PHACTR2: variants seen among roughly 807,000 people sequenced by gnomAD.
The protein encoded by PHACTR2 is chromosome 6 open reading frame 56.
In PHACTR2, 30 loss-of-function variants were observed where a neutral mutation model predicts 76.0. That is an observed-to-expected ratio of 0.39 (90% CI 0.30 to 0.54). PHACTR2 has a LOEUF of 0.54. Ranked by LOEUF, PHACTR2 falls within the 20% of genes least tolerant of loss-of-function variation. The probability of loss-of-function intolerance (pLI) is 0.61; values close to 1 mark genes in which losing one functional copy is unlikely to be tolerated. For missense variants in PHACTR2, 696 were observed against 781.1 expected, an observed-to-expected ratio of 0.89 and a Z score of 1.30; for synonymous variants, 292 against 292.5, an observed-to-expected ratio of 1.00 and a Z score of 0.02.
Position 143,753,773 on chromosome 6 carries a change from C to G in PHACTR2, c.315C>G (p.Asn105Lys). ...LPDQDGDVTV[N>K]FENSNGHMIP... is the part of the protein sequence containing the mutation. ...TTTTAGATGGAGATGTAACAGTTAA[C>G]TTTGAAAATTCAAACGGGCACATGA... is the stretch of plus-strand genomic sequence containing the variant. The change falls in exon 4 of 13, where the codon AAC becomes AAG. Residue 105 changes from asparagine (N) to lysine (K), a missense_variant. Coordinates refer to ENST00000440869, the MANE Select transcript of PHACTR2 (RefSeq NM_001100164.2). The surrounding 1 kb of genome is among the most constrained non-coding windows in gnomAD (Gnocchi z 4.6). The G allele has an allele frequency of 6.3e-7, 1 of 1,598,526 alleles. No homozygotes were observed. The highest frequency in any genetic ancestry group is 8.5e-7 in the Non-Finnish European group (1 of 1,175,638).
chr6:143,815,468 G>A (rs374138939), intron 12 of PHACTR2, among the ~76,000 whole-genome samples: 11 of 152,170 alleles, frequency 7.2e-5, no homozygotes, highest in South Asian at 2.1e-4. Flanking sequence ...TATAGGTGGC[G>A]TGACAATGAA....
intron 9 of PHACTR2, among the ~76,000 whole-genome samples, chr6:143,779,494 T>C (rs1411762196): frequency 2.0e-5 from 3 of 151,880 alleles, no homozygotes; most frequent in Non-Finnish European, 4.4e-5. Context: ...GGACTACAGG[T>C]GCGCATCACC....
In PHACTR2 at chr6:143,654,324, G is replaced by A. The variant is rs1263689541; in HGVS notation, c.13+46002G>A. 1.3e-5 allele frequency among the ~76,000 whole-genome samples: 2 copies of A among 152,136 alleles called. No individual in the cohort carries two copies. The highest frequency in any genetic ancestry group is 2.9e-5 in the Non-Finnish European group (2 of 68,034). The stretch of plus-strand genomic sequence containing the variant: ...CAATCATAGAGTTACCATATGAACA[G>A]CAATTCTACTTCTAGGTATATACCC... On this transcript the variant is annotated intron_variant, in intron 1 of 11. Transcript: ENST00000305766. The surrounding 1 kb of genome is among the most constrained non-coding windows in gnomAD (Gnocchi z 4.6).
intron 11 of PHACTR2, among the ~76,000 whole-genome samples, chr6:143,797,431 C>T (rs1775851052): frequency 6.6e-6 from 1 of 152,192 alleles, no homozygotes; most frequent in South Asian, 2.1e-4. Flanking sequence ...CCCCGTTTGT[C>T]AATTTTGGCT....
intron 1 of PHACTR2, among the ~76,000 whole-genome samples, chr6:143,657,339 T>C (rs1776865571): frequency 6.6e-6 from 1 of 152,130 alleles, no homozygotes; most frequent in Non-Finnish European, 1.5e-5. Flanking sequence ...TATCAAGATG[T>C]AGAATATTTC....
rs1367558241 is a variant in PHACTR2, at chr6:143,624,834, T to TG, written c.13+16514dup. ...TGAGTACAGTGTCAGATATCAGAGA[T>TG]GGAGACCACAGCAAAGAGCTGATAA... On this transcript the variant is annotated intron_variant, in intron 1 of 11. Transcript: ENST00000305766. This position sits in a 1 kb window ranked among gnomAD's most constrained non-coding sequence, Gnocchi z 4.6. Among the ~76,000 whole-genome samples, 1 of 151,988 alleles carries TG rather than the reference T, an allele frequency of 6.6e-6. No individual in the cohort carries two copies. The highest frequency in any genetic ancestry group is 1.5e-5 in the Non-Finnish European group (1 of 68,014).
intron 11 of PHACTR2, among the ~76,000 whole-genome samples, chr6:143,790,823 G>A (rs370398518): frequency 9.2e-5 from 14 of 152,042 alleles, no homozygotes; most frequent in East Asian, 5.8e-4. Flanking sequence ...ACAGGCGCCC[G>A]CCACCACGCC....
At chr6:143,714,170 C>A (rs1236129954) in intron 2 of PHACTR2, among the ~76,000 whole-genome samples, 1 of 152,108 alleles carries the variant, frequency 6.6e-6, no homozygotes, top group Non-Finnish European at 1.5e-5. Context: ...ATGATCAGGG[C>A]CATTTGCTGT....
Position 143,655,181 on chromosome 6 carries a change from GA to G in PHACTR2, c.13+46867del, listed in dbSNP as rs1206512180. ...TCAAAAAAAAAAAAAAAAAGAAAAAGAAAAAAAAGAAAACATCATGCTAAGT... is the reference window on the plus strand; with the variant it reads ...TCAAAAAAAAAAAAAAAAAGAAAAAGAAAAAAAGAAAACATCATGCTAAGT... On this transcript the variant is annotated intron_variant, in intron 1 of 11. Transcript: ENST00000305766. Among the ~76,000 whole-genome samples the G allele has an allele frequency of 1.3e-4, 19 of 146,744 alleles. No individual in the cohort carries two copies. In the Middle Eastern group the frequency reaches 0.014, roughly 111 times the overall value.
At chr6:143,752,722 G>A (rs1779212785) in intron 3 of PHACTR2, among the ~76,000 whole-genome samples, 1 of 152,100 alleles carries the variant, frequency 6.6e-6, no homozygotes, top group African/African-American at 2.4e-5. Context: ...GACAATTTGG[G>A]AAATGGTTTC....
chr6:143,720,480 T>C (rs1032422458), intron 2 of PHACTR2, among the ~76,000 whole-genome samples: 4 of 152,108 alleles, frequency 2.6e-5, no homozygotes, highest in African/African-American at 9.7e-5. Context: ...TCCTGGGAAG[T>C]CATCACAGAG....
Position 143,772,611 on chromosome 6 carries a change from G to A in PHACTR2, c.1432+154G>A, listed in dbSNP as rs894853586. On this transcript the variant is annotated intron_variant, in intron 7 of 12. Transcript: ENST00000440869. This position sits in a 1 kb window ranked among gnomAD's most constrained non-coding sequence, Gnocchi z 5.4. ...AAATTAGAAATGTGTATATCCTAAA[G>A]TTTAGCTTTTGATGGGAGGCCTTTC... 2.0e-5 allele frequency among the ~76,000 whole-genome samples: 3 copies of A among 152,192 alleles called. No individual in the cohort carries two copies. Among genetic ancestry groups the A allele is most frequent in the African/African-American group, 7.2e-5 (3 of 41,454 alleles).
At chr6:143,643,873 T>A (rs1038595504) in intron 1 of PHACTR2, among the ~76,000 whole-genome samples, 5 of 152,220 alleles carry the variant, frequency 3.3e-5, no homozygotes, top group African/African-American at 1.2e-4. Context: ...GTAATCTAAC[T>A]TTTTTCTCCT....
rs1779582358 is a variant in PHACTR2, at chr6:143,767,241, A to AC, written c.1232+1445dup. Reference sequence around the variant, plus strand: ...CACTGAGAGAGCTAAAATAGTTTGCACCAGACTGCCCAGTTGGTGGTGGTG... The same window carrying AC: ...CACTGAGAGAGCTAAAATAGTTTGCACCCAGACTGCCCAGTTGGTGGTGGTG... On this transcript the variant is annotated intron_variant, in intron 6 of 12. Coordinates refer to ENST00000440869, the MANE Select transcript of PHACTR2 (RefSeq NM_001100164.2). This position sits in a 1 kb window ranked among gnomAD's most constrained non-coding sequence, Gnocchi z 4.4. Among the ~76,000 whole-genome samples the AC allele has an allele frequency of 6.6e-6, 1 of 152,222 alleles. No homozygotes were observed. The highest frequency in any genetic ancestry group is 2.4e-5 in the African/African-American group (1 of 41,462).
chr6:143,604,538 T>G (rs1314136847), upstream of PHACTR2, among the ~76,000 whole-genome samples: 2 of 152,188 alleles, frequency 1.3e-5, no homozygotes, highest in East Asian at 3.9e-4. Context: ...CCTATTGCCA[T>G]CAGTTCTTCT....
At position 143,678,276 on chromosome 6, in the gene PHACTR2, G is replaced by C. The variant is rs1397432282; in HGVS notation, c.46+67G>C. 7.3e-7 allele frequency: 1 copy of C among 1,374,042 alleles called. No individual in the cohort carries two copies. The highest frequency in any genetic ancestry group is 3.8e-5 in the Admixed American group (1 of 26,096). The allele number at this position is 1,374,042 out of a possible 1,614,324, so 85.1% of individuals were successfully genotyped here. A position where few individuals can be genotyped will look rare whatever the true frequency, so the allele number is the denominator to read the frequency against. On this transcript the variant is annotated intron_variant, in intron 1 of 12. Coordinates refer to ENST00000440869, the MANE Select transcript of PHACTR2 (RefSeq NM_001100164.2). This position sits in a 1 kb window ranked among gnomAD's most constrained non-coding sequence, Gnocchi z 6.2. ...GCAGGGCTGGCGGCGGGGCCCCGGGGCAGGCAGGGTTAGTCGTCTGGTCGG... is the reference window on the plus strand; with the variant it reads ...GCAGGGCTGGCGGCGGGGCCCCGGGCCAGGCAGGGTTAGTCGTCTGGTCGG...
In PHACTR2 at chr6:143,772,170, T is replaced by C; in HGVS notation, c.1233-88T>C. On this transcript the variant is annotated intron_variant, in intron 6 of 12. Transcript: ENST00000440869. The surrounding 1 kb of genome is among the most constrained non-coding windows in gnomAD (Gnocchi z 5.4). ...CTTTCCTCAGCCTGAAGGAAGCCCA[T>C]GAAACTAGAGCTCTTTTTCTTAGTG... 3 of 894,044 alleles carry C rather than the reference T, an allele frequency of 3.4e-6. No individual in the cohort carries two copies. The South Asian group carries it at 4.2e-5, about 12-fold the overall frequency. 55.4% of individuals were successfully genotyped at this position (894,044 alleles called of 1,614,324 possible).
intron 1 of PHACTR2, among the ~76,000 whole-genome samples, chr6:143,667,606 G>A (rs1221411387): frequency 1.3e-5 from 2 of 152,072 alleles, no homozygotes; most frequent in African/African-American, 4.8e-5. Flanking sequence ...TTGTAAGTTG[G>A]ATTCCTAGGT....
At chr6:143,748,349 A>G (rs1165351283) in intron 2 of PHACTR2, among the ~76,000 whole-genome samples, 1 of 152,232 alleles carries the variant, frequency 6.6e-6, no homozygotes, top group Non-Finnish European at 1.5e-5. Context: ...TACAGGCATG[A>G]GCCACCGTTC....
Sources: gnomAD v4.1 joint callset for allele counts (sites outside exome capture counted in the v4.1 genomes callset) on GRCh38, gnomAD v4.1.1 for gene constraint, Gnocchi (gnomAD v3.1) non-coding constraint, MANE v1.5 for transcripts, NCBI Gene and HGNC (gene_info 2026-07-23, HGNC 2026-07-21) for gene names.